NFASC: variants seen among roughly 807,000 people sequenced by gnomAD.
NFASC encodes the protein neurofascin.
In NFASC, 43 loss-of-function variants were observed where a neutral mutation model predicts 147.5. The observed-to-expected ratio is 0.29, with a 90% CI of 0.23 to 0.38. The LOEUF (loss-of-function observed/expected upper bound fraction) is 0.38, where lower values mean the gene tolerates loss of function less well. Ranked by LOEUF, NFASC falls within the 10% of genes least tolerant of loss-of-function variation. The probability of loss-of-function intolerance (pLI) is 1.00; values close to 1 mark genes in which losing one functional copy is unlikely to be tolerated. For missense variants in NFASC, 1,320 were observed against 1,689.0 expected (o/e 0.78, Z 3.83); for synonymous variants, 622 against 665.5 (o/e 0.93, Z 1.01).
intron 2 of NFASC, among the ~76,000 whole-genome samples, chr1:204,936,030 A>T (rs1388739527): frequency 6.6e-6 from 1 of 151,862 alleles, no homozygotes; most frequent in African/African-American, 2.4e-5. Context: ...AAAAACAGTC[A>T]CTGTTGGCAG....
chr1:204,883,279 G>A (rs1030796358), intron 1 of NFASC, among the ~76,000 whole-genome samples: 3 of 152,228 alleles, frequency 2.0e-5, no homozygotes, highest in Non-Finnish European at 4.4e-5. Context: ...AACTTGGATA[G>A]AACAAGGTGC....
chr1:204,934,383 A>G (rs1483998720), intron 2 of NFASC, among the ~76,000 whole-genome samples: 1 of 152,198 alleles, frequency 6.6e-6, no homozygotes, highest in Non-Finnish European at 1.5e-5. Flanking sequence ...TTCTGACAGC[A>G]CTGCCAGTTG....
intron 3 of NFASC, chr1:204,944,650 G>A: frequency 2.0e-6 from 1 of 490,346 alleles, no homozygotes; most frequent in Non-Finnish European, 3.6e-6. Context: ...TGCTTGGGGT[G>A]CCTGGAGCCA....
At chr1:205,009,775 T>C (rs1268739254) in intron 28 of NFASC, 87 bp downstream of exon 28, 1 of 1,413,606 alleles carries the variant, frequency 7.1e-7, no homozygotes, top group Non-Finnish European at 9.7e-7. Context: ...ATCCGGGGAA[T>C]GTGTTCTCTC....
chr1:204,984,020 A>G, intron 21 of NFASC: 1 of 1,604,904 alleles, frequency 6.2e-7, no homozygotes, highest in Non-Finnish European at 8.5e-7. Flanking sequence ...GTCCCAACAC[A>G]TTGCAGATCC....
chr1:205,011,664 G>A (rs1327939820), intron 28 of NFASC, among the ~76,000 whole-genome samples: 1 of 152,230 alleles, frequency 6.6e-6, no homozygotes, highest in East Asian at 1.9e-4. Flanking sequence ...ACAAGGCCTG[G>A]TTGCTAGCCT....
At chr1:204,830,071 G>T (rs1391071715) in intron 1 of NFASC, among the ~76,000 whole-genome samples, 1 of 151,234 alleles carries the variant, frequency 6.6e-6, no homozygotes, top group Non-Finnish European at 1.5e-5. Flanking sequence ...TCATCCCTCA[G>T]TGTGGGGGAG....
chr1:204,898,705 T>C lies in NFASC; in HGVS notation c.-199-21927T>C, dbSNP rs895004130. Among the ~76,000 whole-genome samples, 6 of 152,252 alleles carry C rather than the reference T, an allele frequency of 3.9e-5. No homozygotes were observed. In the East Asian group the frequency reaches 1.2e-3, roughly 29 times the overall value. On this transcript the variant is annotated intron_variant, in intron 1 of 29. Coordinates refer to ENST00000339876, the MANE Select transcript of NFASC (RefSeq NM_001005388.3). ...AGAGACCCAGTGCAGCCTCGTGTCCTCCACATCTCAGTCCAGACATGTAAG... is the reference window on the plus strand; with the variant it reads ...AGAGACCCAGTGCAGCCTCGTGTCCCCCACATCTCAGTCCAGACATGTAAG...
At chr1:204,892,120 G>C (rs1230461092) in intron 1 of NFASC, among the ~76,000 whole-genome samples, 1 of 152,126 alleles carries the variant, frequency 6.6e-6, no homozygotes, top group Non-Finnish European at 1.5e-5. Context: ...GCTCAGAGTT[G>C]GTAAAAAGGA....
At chr1:204,846,190 C>T (rs923485785) in intron 1 of NFASC, among the ~76,000 whole-genome samples, 7 of 146,306 alleles carry the variant, frequency 4.8e-5, no homozygotes, top group African/African-American at 1.8e-4. Context: ...GAAGTGAGAT[C>T]CTGTCTATAC....
chr1:204,850,627 C>T (rs752143383), intron 1 of NFASC, among the ~76,000 whole-genome samples: 2 of 152,176 alleles, frequency 1.3e-5, no homozygotes, highest in Non-Finnish European at 2.9e-5. Flanking sequence ...AAGTGTATGG[C>T]ACTTCTCCTT....
chr1:205,015,624 G>A lies in NFASC; in HGVS notation c.3492-684G>A, dbSNP rs1022033386. Among the ~76,000 whole-genome samples the A allele has an allele frequency of 6.6e-6, 1 of 152,148 alleles. No homozygotes were observed. The highest frequency in any genetic ancestry group is 6.5e-5 in the Admixed American group (1 of 15,278). ...GGCTGGGCATGATCCTCTGAGCCTT[G>A]CTGTCTTCTCACGTTTGCTGGCATC... On this transcript the variant is annotated intron_variant, in intron 29 of 29. Transcript: ENST00000339876. This position sits in a 1 kb window ranked among gnomAD's most constrained non-coding sequence, Gnocchi z 4.0.
chr1:204,905,544 T>C lies in NFASC; in HGVS notation c.-199-15088T>C, dbSNP rs2085654106. ...TTCAAGTCCTTCGCTTTTTTTGTTT[T>C]TGAGTTGTAGTAATTATTCTCTTGA... On this transcript the variant is annotated intron_variant, in intron 1 of 29. Transcript: ENST00000339876. 2.6e-5 allele frequency among the ~76,000 whole-genome samples: 4 copies of C among 152,206 alleles called. No homozygotes were observed. The South Asian group carries it at 8.3e-4, about 32-fold the overall frequency.
intron 3 of NFASC, chr1:204,948,614 C>G (rs2093932910): frequency 1.9e-6 from 1 of 518,934 alleles, no homozygotes; most frequent in African/African-American, 1.9e-5. Context: ...AAACTCTGGA[C>G]CAGGCACTGG....
chr1:204,921,551 G>A (rs559602574), intron 2 of NFASC, among the ~76,000 whole-genome samples: 5 of 152,302 alleles, frequency 3.3e-5, no homozygotes, highest in South Asian at 2.1e-4. Context: ...GAGCTGGGGG[G>A]AGGGGCGTGG....
chr1:204,831,668 G>A (rs1307033896), intron 1 of NFASC, among the ~76,000 whole-genome samples: 5 of 152,012 alleles, frequency 3.3e-5, no homozygotes, highest in Non-Finnish European at 7.4e-5. Context: ...CAGAGAGGGG[G>A]AAGCAGAAAA....
chr1:204,998,586 G>A (rs2095901105), intron 25 of NFASC: 1 of 152,234 alleles, frequency 6.6e-6, no homozygotes, highest in South Asian at 2.1e-4. Context: ...GAAAATGCTG[G>A]TTTGCTTCAC....
intron 1 of NFASC, among the ~76,000 whole-genome samples, chr1:204,909,802 A>G (rs2086909898): frequency 6.6e-6 from 1 of 151,848 alleles, no homozygotes; most frequent in African/African-American, 2.4e-5. Flanking sequence ...TTGCCTAAGG[A>G]TATCCAATTA....
intron 8 of NFASC, among the ~76,000 whole-genome samples, chr1:204,964,465 T>C (rs1019691260): frequency 6.6e-6 from 1 of 152,174 alleles, no homozygotes; most frequent in Non-Finnish European, 1.5e-5. Context: ...AGGGAGAAAT[T>C]GTAGGGCAGA....
Sources: gnomAD v4.1 joint callset for allele counts (sites outside exome capture counted in the v4.1 genomes callset) on GRCh38, gnomAD v4.1.1 for gene constraint, Gnocchi (gnomAD v3.1) non-coding constraint, MANE v1.5 for transcripts, NCBI Gene and HGNC (gene_info 2026-07-23, HGNC 2026-07-21) for gene names.